The following CREBBP variants were observed in gnomAD, a reference collection of about 807,000 sequenced individuals.
CREBBP encodes the protein CREB binding lysine acetyltransferase, also known as CREB-binding protein.
CREBBP carries 19 observed loss-of-function variants against 265.0 expected under a neutral mutation model. The observed-to-expected ratio is 0.07, with a 90% confidence interval of 0.05 to 0.11. The LOEUF (loss-of-function observed/expected upper bound fraction) is 0.11, where lower values mean the gene tolerates loss of function less well. CREBBP is among the 10% of genes least tolerant of loss of function. The probability of loss-of-function intolerance (pLI) is 1.00; values close to 1 mark genes in which losing one functional copy is unlikely to be tolerated. For missense variants in CREBBP, 2,525 were observed against 3,219.0 expected (o/e 0.78, Z 5.22); for synonymous variants, 1,457 against 1,223.7 (o/e 1.19, Z -3.98).
At chr16:3,863,241 C>G (rs997010276) in intron 1 of CREBBP, among the ~76,000 whole-genome samples, 1 of 152,152 alleles carries the variant, frequency 6.6e-6, no homozygotes, top group African/African-American at 2.4e-5. Flanking sequence ...TGGCTGTACT[C>G]TGTATCAGGT....
At chr16:3,778,953 G>T (rs978894293) in intron 8 of CREBBP, 136 bp from the exon 9 acceptor site, 1 of 683,570 alleles carries the variant, frequency 1.5e-6, no homozygotes, top group African/African-American at 1.8e-5. Flanking sequence ...AATCACCTGA[G>T]GTCAGCAGTT....
chr16:3,822,395 T>C (rs931811848), intron 2 of CREBBP, among the ~76,000 whole-genome samples: 1 of 152,222 alleles, frequency 6.6e-6, no homozygotes, highest in African/African-American at 2.4e-5. Flanking sequence ...AGCCACTGAC[T>C]ATTTCTAGTA....
At chr16:3,763,187 G>C (rs2151393660) in intron 16 of CREBBP, among the ~76,000 whole-genome samples, 1 of 147,394 alleles carries the variant, frequency 6.8e-6, no homozygotes, top group African/African-American at 2.5e-5. Flanking sequence ...TTTTTTTTGA[G>C]ACGAGGTCTT....
intron 16 of CREBBP, among the ~76,000 whole-genome samples, chr16:3,760,126 CTG>C (rs1157021726): frequency 6.6e-6 from 1 of 152,178 alleles, no homozygotes. Flanking sequence ...AGGTCGCACT[CTG>C]TTGCCCAGGT....
intron 2 of CREBBP, among the ~76,000 whole-genome samples, chr16:3,817,780 G>C (rs755602737): frequency 3.3e-5 from 5 of 152,160 alleles, no homozygotes; most frequent in East Asian, 1.9e-4. Flanking sequence ...AACTCCACTG[G>C]GGGGAGGCAA....
At chr16:3,757,683 G>T in intron 18 of CREBBP, 126 bp downstream of exon 18, 1 of 1,364,356 alleles carries the variant, frequency 7.3e-7, no homozygotes, top group Non-Finnish European at 1.0e-6. Context: ...GGCATCAACT[G>T]TGTCACCAGA....
At chr16:3,740,687 C>T in intron 23 of CREBBP, 138 bp from the exon 24 acceptor site, 1 of 1,004,388 alleles carries the variant, frequency 1.0e-6, no homozygotes, top group Non-Finnish European at 1.5e-6. Context: ...CGGAAGAAAT[C>T]TAATCTGTCC....
chr16:3,784,546 G>A (rs2053344069), intron 5 of CREBBP: 1 of 152,136 alleles, frequency 6.6e-6, no homozygotes. Flanking sequence ...GAAGCACTAT[G>A]GTATAGAAAT....
intron 1 of CREBBP, among the ~76,000 whole-genome samples, chr16:3,858,571 T>A (rs1184463456): frequency 1.3e-5 from 2 of 152,242 alleles, no homozygotes; most frequent in African/African-American, 4.8e-5. Context: ...ATAAAATGCT[T>A]CGTATGTACT....
At chr16:3,783,038 CAT>C in intron 5 of CREBBP, 112 bp from the exon 6 acceptor site, 1 of 1,344,188 alleles carries the variant, frequency 7.4e-7, no homozygotes, top group Non-Finnish European at 1.0e-6. Context: ...AAATACTACA[CAT>C]GAATATCATA....
Position 3,849,445 on chromosome 16 carries a change from GTGTGT to G in CREBBP, c.798+847_798+851del, listed in dbSNP as rs1567360600. Among the ~76,000 whole-genome samples the G allele has an allele frequency of 4.4e-3, 106 of 24,226 alleles. 5 individuals carry two copies. Among genetic ancestry groups the G allele is most frequent in the East Asian group, 0.025 (9 of 354 alleles). The allele number at this position is 24,226 out of a possible 152,430, so 15.9% of individuals were successfully genotyped here. On this transcript the variant is annotated intron_variant, in intron 2 of 30. Transcript: ENST00000262367. ...TGTGTGTGTGTGTGTGTGTGTGTGT[GTGTGT>G]GTGTGTGTGTGTGTGTGTGTGTGTG...
chr16:3,815,487 G>T (rs1226913259), intron 2 of CREBBP, among the ~76,000 whole-genome samples: 1 of 139,536 alleles, frequency 7.2e-6, no homozygotes, highest in East Asian at 2.1e-4. Context: ...CTGAGATCTT[G>T]CCACTGCACT....
At chr16:3,797,860 G>C (rs770813158) in intron 3 of CREBBP, among the ~76,000 whole-genome samples, 1 of 152,064 alleles carries the variant, frequency 6.6e-6, no homozygotes, top group Non-Finnish European at 1.5e-5. Flanking sequence ...AGGACATGAG[G>C]ATGAGAAAGC....
Position 3,738,576 on chromosome 16 carries a change from C to T in CREBBP, c.4377G>A (p.Glu1459=). ...VYHEILIGYL[E]YVKKLGYVTG... ...AAACTCACCCTAATTTCTTCACATA[C>T]TCTAAATATCCAATAAGGATCTCAT... Residue 1459 remains glutamate, a synonymous_variant, in exon 26 of 31, where the codon GAG becomes GAA. Coordinates refer to ENST00000262367, the MANE Select transcript of CREBBP (RefSeq NM_004380.3). 1 of 1,609,688 alleles carries T rather than the reference C, an allele frequency of 6.2e-7. No homozygotes were observed. Among genetic ancestry groups the T allele is most frequent in the Non-Finnish European group, 8.5e-7 (1 of 1,175,986 alleles).
chr16:3,748,883 C>T (rs1278331721), intron 21 of CREBBP, among the ~76,000 whole-genome samples: 5 of 152,192 alleles, frequency 3.3e-5, no homozygotes, highest in African/African-American at 4.8e-5. Context: ...CGGTGGCTCA[C>T]GCCTGGAATC....
At chr16:3,751,022 G>GTT (rs2052460027) in intron 20 of CREBBP, among the ~76,000 whole-genome samples, 1 of 151,548 alleles carries the variant, frequency 6.6e-6, no homozygotes, top group Admixed American at 6.6e-5. Context: ...AAGAGTTCAA[G>GTT]ACCAGCCTGG....
chr16:3,810,875 A>C, intron 2 of CREBBP, 96 bp from the exon 3 acceptor site: 49 of 1,233,858 alleles, frequency 4.0e-5, no homozygotes, highest in Non-Finnish European at 5.7e-5. Context: ...TGAAATACTC[A>C]TTGCAATGAT....
At position 3,728,355 on chromosome 16, in the gene CREBBP, A is replaced by C. The variant is rs1354382067; in HGVS notation, c.6692T>G (p.Phe2231Cys). The change falls in exon 31 of 31, where the codon TTC becomes TGC. Residue 2231 changes from phenylalanine to cysteine, a missense_variant. Physicochemically the swap from Phe to Cys is radical, Grantham distance 205. Transcript: ENST00000262367. This position sits in a 1 kb window ranked among gnomAD's most constrained non-coding sequence, Gnocchi z 8.7. ...GCCTCCGGGTCCTTGAGGCTGCTGG[A>C]ACTGGCCGTGCCCCGCCATGCCCCC... ...MAGGMAGHGQ[F>C]QQPQGPGGYP... 6.2e-7 allele frequency: 1 copy of C among 1,610,182 alleles called. No individual in the cohort carries two copies. The highest frequency in any genetic ancestry group is 8.5e-7 in the Non-Finnish European group (1 of 1,178,678).
intron 13 of CREBBP, among the ~76,000 whole-genome samples, chr16:3,772,328 AACACACACACACACACAC>A (rs34060381): frequency 4.1e-5 from 6 of 145,356 alleles, no homozygotes; most frequent in South Asian, 2.2e-4. Flanking sequence ...CTGAAACACA[AACACACACACACACACAC>A]ACACACACAC....
Sources: gnomAD v4.1 joint callset for allele counts (sites outside exome capture counted in the v4.1 genomes callset) on GRCh38, gnomAD v4.1.1 for gene constraint, Gnocchi (gnomAD v3.1) non-coding constraint, MANE v1.5 for transcripts, NCBI Gene and HGNC (gene_info 2026-07-23, HGNC 2026-07-21) for gene names.